GNAI1: variants seen among roughly 807,000 people sequenced by gnomAD.
GNAI1 encodes the protein G protein subunit alpha i1.
In GNAI1, 11 loss-of-function variants were observed where a neutral mutation model predicts 38.9. The ratio of observed to expected loss-of-function variants is 0.28; its 90% confidence interval spans 0.18 to 0.47. The LOEUF (loss-of-function observed/expected upper bound fraction) is 0.47. Ranked by LOEUF, GNAI1 falls within the 20% of genes least tolerant of loss-of-function variation. The pLI is 0.99. For synonymous variants in GNAI1, 166 were observed against 145.1 expected, an observed-to-expected ratio of 1.14 and a Z score of -1.04; for missense variants, 317 against 436.9, an observed-to-expected ratio of 0.73 and a Z score of 2.45.
chr7:80,137,312 C>CTT (rs1787435883), intron 1 of GNAI1, among the ~76,000 whole-genome samples: 19 of 66,938 alleles, frequency 2.8e-4, no homozygotes, highest in African/African-American at 8.9e-4. Context: ...TTTTTCTTTT[C>CTT]TTTTCTTTTT....
At chr7:80,174,568 C>T (rs1278090808) in intron 1 of GNAI1, among the ~76,000 whole-genome samples, 1 of 150,136 alleles carries the variant, frequency 6.7e-6, no homozygotes, top group African/African-American at 2.4e-5. Flanking sequence ...TGTAGTTTGC[C>T]TTTATATTTT....
Position 80,223,109 on chromosome 7 carries a change from G to A in GNAI1, c.*5616G>A, listed in dbSNP as rs1018981779. ...TTCTAACTGAATGCATACCAGTTTC[G>A]CACCAATGTAAAGTTGAAAAATTGT... On this transcript the variant is annotated 3_prime_UTR_variant, in exon 8 of 8. Coordinates refer to ENST00000649796, the MANE Select transcript of GNAI1 (RefSeq NM_002069.6). Among the ~76,000 whole-genome samples the A allele has an allele frequency of 1.1e-4, 17 of 152,136 alleles. No homozygotes were observed. Among genetic ancestry groups the A allele is most frequent in the Admixed American group, 7.9e-4 (12 of 15,274 alleles).
In GNAI1 at chr7:80,218,450, A is replaced by G. The variant is rs2115730606; in HGVS notation, c.*957A>G. 2 of 152,192 alleles carry G rather than the reference A, an allele frequency of 1.3e-5. 1 individual carries two copies. The allele number at this position is 152,192 out of a possible 1,614,324, so 9.4% of individuals were successfully genotyped here. ...AAGAGCATTTTTGTGGGTAAAAAAA[A>G]AACCTGTGGACATAATGAATTTTGA... is the stretch of plus-strand genomic sequence containing the variant. On this transcript the variant is annotated 3_prime_UTR_variant, in exon 8 of 8. Coordinates refer to ENST00000649796, the MANE Select transcript of GNAI1 (RefSeq NM_002069.6).
intron 1 of GNAI1, among the ~76,000 whole-genome samples, chr7:80,169,113 C>T (rs183778482): frequency 5.9e-5 from 9 of 152,238 alleles, no homozygotes; most frequent in African/African-American, 9.6e-5. Flanking sequence ...TGATTTTCCC[C>T]TTTAAAATGT....
rs1230285488 is a variant in GNAI1, at chr7:80,223,863, AC to A, written c.*6371del. ...CTTGAATTTCTTAACATAGTAAGTT[AC>A]AAATTTTAACTATGAATCTTCTTCT... On this transcript the variant is annotated 3_prime_UTR_variant, in exon 8 of 8. Transcript: ENST00000649796. 6.6e-6 allele frequency among the ~76,000 whole-genome samples: 1 copy of A among 152,204 alleles called. No individual in the cohort carries two copies. Among genetic ancestry groups the A allele is most frequent in the Non-Finnish European group, 1.5e-5 (1 of 68,032 alleles).
At chr7:80,156,103 T>G (rs1016389043) in intron 1 of GNAI1, among the ~76,000 whole-genome samples, 2 of 151,462 alleles carry the variant, frequency 1.3e-5, no homozygotes, top group African/African-American at 4.8e-5. Context: ...CAAGCAAGTC[T>G]GCCTCTCTTC....
intron 1 of GNAI1, among the ~76,000 whole-genome samples, chr7:80,174,975 T>C (rs1256552131): frequency 1.3e-5 from 2 of 152,236 alleles, no homozygotes. Context: ...ATATTCCATG[T>C]GACCAAATGG....
At chr7:80,183,227 T>C (rs1788327298) in intron 1 of GNAI1, among the ~76,000 whole-genome samples, 1 of 152,236 alleles carries the variant, frequency 6.6e-6, no homozygotes, top group South Asian at 2.1e-4. Context: ...AGGGAAATGT[T>C]TTTCATTTCA....
intron 3 of GNAI1, among the ~76,000 whole-genome samples, chr7:80,196,608 C>G (rs184203266): frequency 6.6e-6 from 1 of 151,982 alleles, no homozygotes; most frequent in East Asian, 1.9e-4. Context: ...GGGTGACTAG[C>G]CATGGAACTT....
chr7:80,210,265 A>T (rs1788850021), intron 5 of GNAI1, among the ~76,000 whole-genome samples: 1 of 152,200 alleles, frequency 6.6e-6, no homozygotes, highest in African/African-American at 2.4e-5. Context: ...TACTTTGTTC[A>T]CTAACCTATA....
intron 1 of GNAI1, among the ~76,000 whole-genome samples, chr7:80,160,165 C>G (rs1321267968): frequency 6.6e-6 from 1 of 151,322 alleles, no homozygotes; most frequent in Non-Finnish European, 1.5e-5. Flanking sequence ...CTTGCATACT[C>G]TAGGTAGCCT....
chr7:80,197,149 A>G (rs957485024), intron 3 of GNAI1, among the ~76,000 whole-genome samples: 37 of 143,660 alleles, frequency 2.6e-4, no homozygotes, highest in Non-Finnish European at 5.0e-4. Context: ...AGCTTTGTAT[A>G]TTTGACCTTG....
chr7:80,145,620 A>G (rs1387648376), intron 1 of GNAI1, among the ~76,000 whole-genome samples: 1 of 152,104 alleles, frequency 6.6e-6, no homozygotes, highest in Non-Finnish European at 1.5e-5. Flanking sequence ...AGTGTCTGTT[A>G]TTCTACTTCT....
chr7:80,163,729 A>G (rs1191419615), intron 1 of GNAI1, among the ~76,000 whole-genome samples: 1 of 152,186 alleles, frequency 6.6e-6, no homozygotes, highest in Non-Finnish European at 1.5e-5. Context: ...TAATTCATTA[A>G]TCAGTATTCT....
chr7:80,158,090 C>T (rs1787851241), intron 1 of GNAI1, among the ~76,000 whole-genome samples: 1 of 152,062 alleles, frequency 6.6e-6, no homozygotes, highest in Non-Finnish European at 1.5e-5. Flanking sequence ...CATTTTTAAA[C>T]TAAGTTATTT....
At chr7:80,211,322 T>A (rs1788869189) in intron 6 of GNAI1, among the ~76,000 whole-genome samples, 1 of 152,240 alleles carries the variant, frequency 6.6e-6, no homozygotes, top group Non-Finnish European at 1.5e-5. Flanking sequence ...AACTATGCAT[T>A]TCTGTATCTA....
In GNAI1 at chr7:80,189,221, C is replaced by T; in HGVS notation, c.293C>T (p.Ser98Leu). Residue 98 changes from serine to leucine, a missense_variant, in exon 3 of 8, where the codon TCA becomes TTA. Transcript: ENST00000649796. ...MGRLKIDFGD[S>L]ARADDARQLF... is the part of the protein sequence containing the mutation. Reference sequence around the variant, plus strand: ...AGGTTGAAGATAGACTTTGGTGACTCAGCCCGGGCGGTAAGTTATTAAATT... The same window carrying T: ...AGGTTGAAGATAGACTTTGGTGACTTAGCCCGGGCGGTAAGTTATTAAATT... 1 of 1,610,350 alleles carries T rather than the reference C, an allele frequency of 6.2e-7. No homozygotes were observed. The highest frequency in any genetic ancestry group is 1.3e-5 in the African/African-American group (1 of 74,712).
intron 1 of GNAI1, among the ~76,000 whole-genome samples, chr7:80,175,003 C>T (rs1172761355): frequency 3.9e-5 from 6 of 152,138 alleles, no homozygotes; most frequent in Admixed American, 6.6e-5. Flanking sequence ...ACTTACAGTA[C>T]TCCTGTATAC....
At chr7:80,196,439 C>T (rs1788576073) in intron 3 of GNAI1, among the ~76,000 whole-genome samples, 1 of 151,996 alleles carries the variant, frequency 6.6e-6, no homozygotes, top group Non-Finnish European at 1.5e-5. Flanking sequence ...TATTTTGGTA[C>T]ACTTACATTT....
Sources: allele counts gnomAD v4.1 joint callset (sites outside exome capture counted in the v4.1 genomes callset), GRCh38; gene constraint gnomAD v4.1.1; transcripts MANE v1.5; gene names NCBI Gene and HGNC (gene_info 2026-07-23, HGNC 2026-07-21).